SCAPER: variants seen among roughly 807,000 people sequenced by gnomAD.
SCAPER encodes the protein S-phase cyclin A associated protein in the ER.
SCAPER carries 98 observed loss-of-function variants against 182.2 expected under a neutral mutation model. The ratio of observed to expected loss-of-function variants is 0.54; its 90% CI spans 0.46 to 0.64. The LOEUF (loss-of-function observed/expected upper bound fraction) is 0.64, where lower values mean the gene tolerates loss of function less well. SCAPER is among the 30% of genes least tolerant of loss of function. The pLI, the probability that SCAPER is intolerant of heterozygous loss-of-function variation, is 0.00. For missense variants in SCAPER, 1,432 were observed against 1,690.0 expected (o/e 0.85, Z 2.68); for synonymous variants, 605 against 564.6 (o/e 1.07, Z -1.01).
chr15:76,602,976 C>CTT (rs34097680), intron 22 of SCAPER, among the ~76,000 whole-genome samples: 7,490 of 57,688 alleles, frequency 0.13, 1,244 homozygotes, highest in Middle Eastern at 0.15. Context: ...AGCAAGAAAA[C>CTT]TTTTTTTTTT....
chr15:76,371,064 C>T (rs1466234287), intron 29 of SCAPER, among the ~76,000 whole-genome samples: 1 of 152,154 alleles, frequency 6.6e-6, no homozygotes, highest in Non-Finnish European at 1.5e-5. Flanking sequence ...ATGAAAAGTA[C>T]ACTGAGTTGG....
intron 22 of SCAPER, among the ~76,000 whole-genome samples, chr15:76,606,798 G>T (rs959091666): frequency 4.6e-5 from 7 of 151,864 alleles, no homozygotes; most frequent in African/African-American, 1.7e-4. Flanking sequence ...TTTGATCTTT[G>T]TTGGTTTAAA....
intron 17 of SCAPER, among the ~76,000 whole-genome samples, chr15:76,719,619 A>T (rs1366310576): frequency 1.3e-5 from 2 of 152,178 alleles, no homozygotes; most frequent in Admixed American, 6.6e-5. Flanking sequence ...ACTATAGTAA[A>T]CCTTTTACTA....
At chr15:76,637,878 A>G (rs1336674607) in intron 21 of SCAPER, among the ~76,000 whole-genome samples, 1 of 150,036 alleles carries the variant, frequency 6.7e-6, no homozygotes, top group Non-Finnish European at 1.5e-5. Context: ...TTCCCTGATG[A>G]CTAATTAGAC....
At chr15:76,624,928 C>T (rs2052429657) in intron 21 of SCAPER, among the ~76,000 whole-genome samples, 1 of 152,154 alleles carries the variant, frequency 6.6e-6, no homozygotes, top group African/African-American at 2.4e-5. Context: ...ACCTCTGGAT[C>T]CCAAATAGTT....
At chr15:76,898,778 G>A (rs1251813639) in intron 1 of SCAPER, among the ~76,000 whole-genome samples, 4 of 152,274 alleles carry the variant, frequency 2.6e-5, no homozygotes, top group East Asian at 3.9e-4. Context: ...AATGGAAAAC[G>A]GCTGCTAATG....
chr15:76,449,901 A>G (rs1270508950), intron 25 of SCAPER, among the ~76,000 whole-genome samples: 5 of 152,162 alleles, frequency 3.3e-5, no homozygotes, highest in Non-Finnish European at 5.9e-5. Flanking sequence ...TGTCTTATCT[A>G]TTCTATTAGA....
chr15:76,837,597 C>A (rs1309319898), intron 5 of SCAPER, among the ~76,000 whole-genome samples: 3 of 152,186 alleles, frequency 2.0e-5, no homozygotes, highest in African/African-American at 4.8e-5. Flanking sequence ...ATTATGGGAA[C>A]TACAATTCAA....
intron 26 of SCAPER, among the ~76,000 whole-genome samples, chr15:76,422,980 A>C (rs1434428038): frequency 1.4e-4 from 21 of 152,298 alleles, no homozygotes; most frequent in South Asian, 1.2e-3. Flanking sequence ...CCACTTGATC[A>C]TGGTGGATAA....
chr15:76,805,896 A>G (rs536550501), intron 5 of SCAPER, among the ~76,000 whole-genome samples: 12 of 152,154 alleles, frequency 7.9e-5, no homozygotes, highest in Non-Finnish European at 1.8e-4. Flanking sequence ...AGAAATGTCT[A>G]TTCAAATCCT....
intron 24 of SCAPER, among the ~76,000 whole-genome samples, chr15:76,498,903 A>T (rs1271115730): frequency 6.6e-6 from 1 of 152,072 alleles, no homozygotes; most frequent in East Asian, 1.9e-4. Context: ...TCTGGGTAGC[A>T]TGGATTTACT....
Position 76,862,464 on chromosome 15 carries a change from T to C in SCAPER, c.76A>G (p.Arg26Gly). Residue 26 changes from arginine (R) to glycine (G), a missense_variant, in exon 3 of 32, where the codon AGA (arginine) becomes GGA (glycine). This residue lies in a region of SCAPER where 480 missense variants were observed against 510.2 expected (regional missense o/e 0.94). Transcript: ENST00000563290. ...RIVAEEGRTA[R>G]NLIAWSVPLE... The stretch of plus-strand genomic sequence containing the variant: ...GGAACACTCCAAGCTATTAGGTTTC[T>C]TGCTGTACGACCCTCCTCTGCAACT... The C allele has an allele frequency of 6.2e-7, 1 of 1,613,460 alleles. No individual in the cohort carries two copies. The highest frequency in any genetic ancestry group is 8.5e-7 in the Non-Finnish European group (1 of 1,179,622).
Position 76,363,917 on chromosome 15 carries a change from G to C in SCAPER, c.3856-9777C>G, listed in dbSNP as rs145315377. Among the ~76,000 whole-genome samples, 820 of 152,310 alleles carry C rather than the reference G, an allele frequency of 5.4e-3. 13 individuals carry two copies. The highest frequency in any genetic ancestry group is 0.019 in the African/African-American group (780 of 41,560). On this transcript the variant is annotated intron_variant, in intron 29 of 31. Transcript: ENST00000563290. ...TGTCCACATTGCTCTTACCAAGTTT[G>C]TCACACCTGAAGACCAGGCCTAGGA...
intron 5 of SCAPER, among the ~76,000 whole-genome samples, chr15:76,816,684 G>C (rs1171210921): frequency 6.8e-6 from 1 of 146,446 alleles, no homozygotes; most frequent in Non-Finnish European, 1.5e-5. Context: ...ATGGAGTCTC[G>C]CTCTGTTGCC....
rs759854280 is a variant in SCAPER, at chr15:76,728,753, T to C, written c.2023-16A>G. ...TCTTGCGTTCCTAATGTTAGAAATA[T>C]TTGTTTCCAATATTAGAATTATGTG... is the stretch of plus-strand genomic sequence containing the variant. On this transcript the variant is annotated splice_polypyrimidine_tract_variant and intron_variant, in intron 16 of 31. Coordinates refer to ENST00000563290, the MANE Select transcript of SCAPER (RefSeq NM_020843.4). 6.3e-7 allele frequency: 1 copy of C among 1,599,182 alleles called. No individual in the cohort carries two copies. The highest frequency in any genetic ancestry group is 1.8e-5 in the Admixed American group (1 of 56,096).
chr15:76,658,124 A>C (rs1323067472), intron 21 of SCAPER, among the ~76,000 whole-genome samples: 1 of 152,064 alleles, frequency 6.6e-6, no homozygotes. Context: ...AAGTCAAACT[A>C]TCTCTATTAG....
chr15:76,768,566 T>C (rs1379623960), intron 10 of SCAPER, among the ~76,000 whole-genome samples: 1 of 152,158 alleles, frequency 6.6e-6, no homozygotes, highest in South Asian at 2.1e-4. Context: ...GGCACTGGGT[T>C]TTCTTTTTAG....
chr15:76,806,383 C>A (rs573624769), intron 5 of SCAPER, among the ~76,000 whole-genome samples: 26 of 152,274 alleles, frequency 1.7e-4, no homozygotes, highest in African/African-American at 2.4e-5. Flanking sequence ...GATTTCAAAT[C>A]TATTTCATTG....
chr15:76,730,825 G>A (rs2060881435), intron 16 of SCAPER, among the ~76,000 whole-genome samples: 1 of 152,138 alleles, frequency 6.6e-6, no homozygotes, highest in Middle Eastern at 3.2e-3. Context: ...CTGCAGGTAT[G>A]TGCAATGTAG....
Sources: allele counts gnomAD v4.1 joint callset (sites outside exome capture counted in the v4.1 genomes callset), GRCh38; gene constraint gnomAD v4.1.1; regional missense constraint gnomAD v4.1.1; transcripts MANE v1.5; gene names NCBI Gene and HGNC (gene_info 2026-07-23, HGNC 2026-07-21).